Variants in COTL1 observed in about 807,000 individuals in gnomAD.
The protein encoded by COTL1 is coactosin-like protein.
Under a neutral mutation model 16.5 loss-of-function variants are expected in COTL1, and 15 were observed. The observed-to-expected ratio is 0.91, with a 90% CI of 0.61 to 1.40. The LOEUF (loss-of-function observed/expected upper bound fraction) is 1.40, where lower values mean the gene tolerates loss of function less well. Ranked by LOEUF, COTL1 falls within the 40% of genes most tolerant of loss-of-function variation. The probability of loss-of-function intolerance (pLI) is 0.00; values close to 1 mark genes in which losing one functional copy is unlikely to be tolerated. For missense variants in COTL1, 220 were observed against 201.5 expected, an observed-to-expected ratio of 1.09 and a Z score of -0.56; for synonymous variants, 112 against 85.3, an observed-to-expected ratio of 1.31 and a Z score of -1.73.
chr16:84,601,925 G>A (rs916020000), intron 2 of COTL1, among the ~76,000 whole-genome samples: 4 of 152,094 alleles, frequency 2.6e-5, no homozygotes, highest in Admixed American at 1.3e-4. Flanking sequence ...CTCTTTTTCC[G>A]ACTCACCACA....
At chr16:84,573,602 C>A (rs1904381285) in intron 3 of COTL1, among the ~76,000 whole-genome samples, 2 of 151,992 alleles carry the variant, frequency 1.3e-5, no homozygotes. Flanking sequence ...TGGTGAAACC[C>A]CATCTCTACT....
chr16:84,606,648 C>G (rs1051631490), intron 2 of COTL1, among the ~76,000 whole-genome samples: 3 of 152,232 alleles, frequency 2.0e-5, no homozygotes, highest in African/African-American at 7.2e-5. Context: ...CTTGGGTACA[C>G]CATGACATCC....
intron 3 of COTL1, among the ~76,000 whole-genome samples, chr16:84,581,036 A>T (rs976612522): frequency 2.6e-5 from 4 of 152,162 alleles, no homozygotes; most frequent in African/African-American, 9.6e-5. Flanking sequence ...CAGCTACTTG[A>T]GAGGCTGAGG....
chr16:84,609,937 T>C (rs1006617144), intron 2 of COTL1, among the ~76,000 whole-genome samples: 1 of 152,206 alleles, frequency 6.6e-6, no homozygotes, highest in African/African-American at 2.4e-5. Context: ...GGGTATTTCT[T>C]CATAGCAGCG....
chr16:84,603,966 GC>G (rs1216070705), intron 2 of COTL1, among the ~76,000 whole-genome samples: 1 of 22,150 alleles, frequency 4.5e-5, no homozygotes, highest in Non-Finnish European at 8.4e-5. Context: ...CTTTCTACCC[GC>G]CACTCCCCAC....
chr16:84,605,490 A>G (rs1273698369), intron 2 of COTL1, among the ~76,000 whole-genome samples: 1 of 152,232 alleles, frequency 6.6e-6, no homozygotes, highest in African/African-American at 2.4e-5. Context: ...GGGTGTGGTT[A>G]AGGTAAGGAT....
chr16:84,595,552 C>G (rs894656772), intron 2 of COTL1: 2 of 152,218 alleles, frequency 1.3e-5, no homozygotes, highest in African/African-American at 4.8e-5. Flanking sequence ...TTTCCCTCTT[C>G]TGAACAAATT....
intron 2 of COTL1, among the ~76,000 whole-genome samples, chr16:84,615,129 A>AAGGAACAAGCGTTTCCGAG (rs1905438127): frequency 6.6e-6 from 1 of 152,226 alleles, no homozygotes; most frequent in African/African-American, 2.4e-5. Context: ...CGACGACAGG[A>AAGGAACAAGCGTTTCCGAG]AGGAACAAGC....
chr16:84,567,757 C>T (rs1201666491), intron 3 of COTL1: 1 of 152,254 alleles, frequency 6.6e-6, no homozygotes, highest in African/African-American at 2.4e-5. Flanking sequence ...CCATGATGCA[C>T]TCAGTAAACG....
intron 2 of COTL1, chr16:84,615,970 T>C (rs1362977230): frequency 6.6e-6 from 1 of 152,198 alleles, no homozygotes; most frequent in Non-Finnish European, 1.5e-5. Flanking sequence ...AATTTGATTA[T>C]GGAAGCAGTT....
At chr16:84,593,574 C>T (rs539905668) in intron 2 of COTL1, among the ~76,000 whole-genome samples, 164 of 151,592 alleles carry the variant, frequency 1.1e-3, no homozygotes, top group Middle Eastern at 3.4e-3. Flanking sequence ...TGCAGTGGCG[C>T]GATCTCGGCT....
chr16:84,591,850 A>C (rs1347489866), intron 2 of COTL1, among the ~76,000 whole-genome samples: 8 of 136,516 alleles, frequency 5.9e-5, no homozygotes, highest in African/African-American at 2.3e-4. Flanking sequence ...AATAAAATAA[A>C]ATAAAATAAA....
At position 84,618,020 on chromosome 16, in the gene COTL1, C is replaced by T. The variant is rs527793750; in HGVS notation, c.-106G>A. The T allele has an allele frequency of 2.4e-4, 145 of 598,334 alleles. 3 individuals carry two copies. The South Asian group carries it at 8.7e-3, about 36-fold the overall frequency. 37.1% of individuals were successfully genotyped at this position (598,334 alleles called of 1,614,324 possible). A position where few individuals can be genotyped will look rare whatever the true frequency, so the allele number is the denominator to read the frequency against. On this transcript the variant is annotated 5_prime_UTR_variant, in exon 1 of 4. Transcript: ENST00000262428. ...TACGCGCCGAGGGCGCACGGGCTGGCGGCGGTGGCGACGGCTACGCGGCGC... is the reference window on the plus strand; with the variant it reads ...TACGCGCCGAGGGCGCACGGGCTGGTGGCGGTGGCGACGGCTACGCGGCGC...
chr16:84,588,001 A>T (rs1355319508), intron 3 of COTL1, among the ~76,000 whole-genome samples: 1 of 151,872 alleles, frequency 6.6e-6, no homozygotes, highest in Non-Finnish European at 1.5e-5. Flanking sequence ...CAAACTCCTG[A>T]CCTTACGTGA....
At chr16:84,574,204 C>G (rs898550277) in intron 3 of COTL1, among the ~76,000 whole-genome samples, 1 of 152,198 alleles carries the variant, frequency 6.6e-6, no homozygotes, top group Non-Finnish European at 1.5e-5. Flanking sequence ...AGAGGGGACG[C>G]AGTTCATCCC....
Position 84,590,151 on chromosome 16 carries a change from C to T in COTL1, c.272G>A (p.Arg91His), listed in dbSNP as rs141824396. 1.5e-5 allele frequency: 24 copies of T among 1,614,120 alleles called. No homozygotes were observed. The highest frequency in any genetic ancestry group is 9.3e-5 in the African/African-American group (7 of 75,036). Reference protein sequence around the residue: ...WIGENVSGLQRAKTGTDKTLV... With the variant: ...WIGENVSGLQHAKTGTDKTLV... ...GGTCTTGTCCGTCCCGGTTTTGGCG[C>T]GCTGCAGCCCGCTGACGTTCTCACC... The change falls in exon 3 of 4, where the codon CGC becomes CAC. Residue 91 changes from arginine to histidine, a missense_variant. By Grantham distance (29) the Arg-to-His change is conservative. Coordinates refer to ENST00000262428, the MANE Select transcript of COTL1 (RefSeq NM_021149.5). This position sits in a 1 kb window ranked among gnomAD's most constrained non-coding sequence, Gnocchi z 5.5.
chr16:84,610,773 G>A (rs559880996), intron 2 of COTL1, among the ~76,000 whole-genome samples: 2 of 152,130 alleles, frequency 1.3e-5, no homozygotes, highest in African/African-American at 4.8e-5. Flanking sequence ...TGGTGTTTTG[G>A]GTTAAACACT....
rs775536354 is a variant in COTL1, at chr16:84,590,271, A to C, written c.161-9T>G. 7 of 1,613,134 alleles carry C rather than the reference A, an allele frequency of 4.3e-6. No individual in the cohort carries two copies. The highest frequency in any genetic ancestry group is 5.9e-6 in the Non-Finnish European group (7 of 1,179,202). ...AAACAACCGGACGTCATCTGTGGCCAAAAGCGAAAAGAGAACATGGTGCTG... is the reference window on the plus strand; with the variant it reads ...AAACAACCGGACGTCATCTGTGGCCCAAAGCGAAAAGAGAACATGGTGCTG... On this transcript the variant is annotated splice_polypyrimidine_tract_variant and intron_variant, in intron 2 of 3. Coordinates refer to ENST00000262428, the MANE Select transcript of COTL1 (RefSeq NM_021149.5). This position sits in a 1 kb window ranked among gnomAD's most constrained non-coding sequence, Gnocchi z 5.5.
intron 2 of COTL1, among the ~76,000 whole-genome samples, chr16:84,613,089 C>G (rs1173572724): frequency 6.6e-6 from 1 of 151,804 alleles, no homozygotes; most frequent in Non-Finnish European, 1.5e-5. Context: ...CAACCTCTGC[C>G]TCCTGGGTTC....
Sources: allele counts gnomAD v4.1 joint callset (sites outside exome capture counted in the v4.1 genomes callset), GRCh38; gene constraint gnomAD v4.1.1; non-coding constraint Gnocchi (gnomAD v3.1); transcripts MANE v1.5; gene names NCBI Gene and HGNC (gene_info 2026-07-23, HGNC 2026-07-21).